Variants in TENM4 observed in about 807,000 individuals in gnomAD.
TENM4 encodes the protein teneurin-4.
Under a neutral mutation model 243.3 loss-of-function variants are expected in TENM4, and 82 were observed. The ratio of observed to expected loss-of-function variants is 0.34; its 90% confidence interval spans 0.28 to 0.40. TENM4 has a LOEUF of 0.40. Among genes scored for constraint, TENM4 ranks in the 10% least tolerant of loss-of-function variants. The pLI is 1.00. For missense variants in TENM4, 3,138 were observed against 3,673.3 expected (o/e 0.85, Z 3.77); for synonymous variants, 1,412 against 1,456.3 (o/e 0.97, Z 0.69).
intron 2 of TENM4, among the ~76,000 whole-genome samples, chr11:79,256,939 T>C (rs907424943): frequency 6.6e-6 from 1 of 152,200 alleles, no homozygotes; most frequent in Admixed American, 6.5e-5. Flanking sequence ...ACATAACAGA[T>C]GGCTCCTCAT....
At chr11:79,332,139 A>C (rs1857071370) in intron 1 of TENM4, among the ~76,000 whole-genome samples, 1 of 152,248 alleles carries the variant, frequency 6.6e-6, no homozygotes, top group South Asian at 2.1e-4. Flanking sequence ...AACTGAAACC[A>C]GAAAGGTGAT....
chr11:79,343,678 G>T (rs1857279336), intron 1 of TENM4, among the ~76,000 whole-genome samples: 1 of 152,016 alleles, frequency 6.6e-6, no homozygotes, highest in East Asian at 1.9e-4. Context: ...AATAGTTTGA[G>T]ACCAGAACAT....
At chr11:78,822,668 G>T (rs1175963268) in intron 12 of TENM4, among the ~76,000 whole-genome samples, 3 of 152,048 alleles carry the variant, frequency 2.0e-5, no homozygotes, top group Non-Finnish European at 4.4e-5. Context: ...AACCACCATG[G>T]CACACGTTTA....
intron 3 of TENM4, among the ~76,000 whole-genome samples, chr11:79,163,280 AATTGTTAT>A (rs1366326394): frequency 6.6e-6 from 1 of 152,122 alleles, no homozygotes; most frequent in Admixed American, 6.5e-5. Context: ...TGAATATAAC[AATTGTTAT>A]ATTCATAAAA....
chr11:78,887,995 G>A (rs1855582194), intron 9 of TENM4, among the ~76,000 whole-genome samples: 1 of 152,196 alleles, frequency 6.6e-6, no homozygotes, highest in Non-Finnish European at 1.5e-5. Context: ...TGTGCCAGTG[G>A]TTGGTGGTGA....
intron 1 of TENM4, among the ~76,000 whole-genome samples, chr11:79,420,693 G>A (rs1858913133): frequency 6.6e-6 from 1 of 151,814 alleles, no homozygotes; most frequent in South Asian, 2.1e-4. Flanking sequence ...TGGGGGGTGG[G>A]GGATGGTTAT....
At chr11:78,956,463 T>C (rs1857208297) in intron 6 of TENM4, among the ~76,000 whole-genome samples, 1 of 152,232 alleles carries the variant, frequency 6.6e-6, no homozygotes. Flanking sequence ...CTGCTGGTGT[T>C]GGCCTCCTGA....
intron 7 of TENM4, among the ~76,000 whole-genome samples, chr11:78,896,695 C>A (rs562057057): frequency 6.6e-6 from 1 of 152,236 alleles, no homozygotes; most frequent in African/African-American, 2.4e-5. Context: ...CAAACTCCTA[C>A]CAATTTATGC....
At chr11:79,229,632 C>T (rs999790707) in intron 2 of TENM4, among the ~76,000 whole-genome samples, 1 of 152,152 alleles carries the variant, frequency 6.6e-6, no homozygotes, top group Non-Finnish European at 1.5e-5. Flanking sequence ...CTGCTTACCA[C>T]CCTAGCACCC....
At chr11:79,234,752 G>C (rs904124108) in intron 2 of TENM4, among the ~76,000 whole-genome samples, 1 of 152,180 alleles carries the variant, frequency 6.6e-6, no homozygotes, top group African/African-American at 2.4e-5. Context: ...CGTGGGAATG[G>C]AGGTGGGTTT....
chr11:78,991,422 C>A (rs1263986651), intron 6 of TENM4, among the ~76,000 whole-genome samples: 1 of 152,122 alleles, frequency 6.6e-6, no homozygotes, highest in East Asian at 1.9e-4. Flanking sequence ...AGGATGGTAG[C>A]AAGATTGTAC....
intron 6 of TENM4, among the ~76,000 whole-genome samples, chr11:78,993,027 C>T (rs669988): frequency 0.97 from 147,110 of 152,314 alleles, 71,189 homozygotes; most frequent in Non-Finnish European, 1. Context: ...TGTGCTATTA[C>T]CTTTATTCAT....
intron 1 of TENM4, among the ~76,000 whole-genome samples, chr11:79,434,985 G>A (rs1359958734): frequency 3.3e-5 from 5 of 152,046 alleles, no homozygotes; most frequent in African/African-American, 4.8e-5. Flanking sequence ...TAACATTGGG[G>A]GTCTATGTAG....
At chr11:79,374,093 A>G (rs534824268) in intron 1 of TENM4, among the ~76,000 whole-genome samples, 11 of 152,328 alleles carry the variant, frequency 7.2e-5, no homozygotes, top group Non-Finnish European at 1.3e-4. Flanking sequence ...GACAATTTTC[A>G]TGAATTCAAG....
intron 33 of TENM4, among the ~76,000 whole-genome samples, chr11:78,659,314 A>G (rs902505839): frequency 1.3e-5 from 2 of 152,170 alleles, no homozygotes; most frequent in Non-Finnish European, 2.9e-5. Context: ...CATTATTCCA[A>G]TTTCATGTCT....
chr11:79,085,993 A>G (rs1860803057), intron 4 of TENM4, among the ~76,000 whole-genome samples: 1 of 152,052 alleles, frequency 6.6e-6, no homozygotes, highest in Admixed American at 6.5e-5. Flanking sequence ...AGCATCCTGT[A>G]TTTATTACTA....
At chr11:78,751,237 T>C (rs916304667) in intron 19 of TENM4, among the ~76,000 whole-genome samples, 8 of 152,186 alleles carry the variant, frequency 5.3e-5, no homozygotes, top group Non-Finnish European at 8.8e-5. Context: ...TCTCTCCTCC[T>C]CATAGGCTCT....
intron 6 of TENM4, among the ~76,000 whole-genome samples, chr11:79,041,835 A>G (rs1046454999): frequency 2.0e-5 from 3 of 152,360 alleles, no homozygotes; most frequent in Admixed American, 6.5e-5. Flanking sequence ...TAATTCACTC[A>G]TTTTGTTTAA....
intron 4 of TENM4, among the ~76,000 whole-genome samples, chr11:79,092,427 C>T (rs946528000): frequency 5.9e-5 from 9 of 152,224 alleles, no homozygotes; most frequent in African/African-American, 1.9e-4. Context: ...GACTCCTAGG[C>T]CAAGTTCTCG....
Sources: gnomAD v4.1 joint callset for allele counts (sites outside exome capture counted in the v4.1 genomes callset) on GRCh38, gnomAD v4.1.1 for gene constraint, MANE v1.5 for transcripts, NCBI Gene and HGNC (gene_info 2026-07-23, HGNC 2026-07-21) for gene names.